APPL2: variants seen among roughly 807,000 people sequenced by gnomAD.
The protein encoded by APPL2 is DCC-interacting protein 13-beta.
APPL2 carries 84 observed loss-of-function variants against 92.7 expected under a neutral mutation model. That is an observed-to-expected ratio of 0.91 (90% confidence interval 0.76 to 1.09). The LOEUF is 1.09. Ranked by LOEUF, APPL2 falls within the 50% of genes least tolerant of loss-of-function variation. The pLI is 0.00. For synonymous variants in APPL2, 291 were observed against 291.0 expected, an observed-to-expected ratio of 1.00 and a Z score of 0.00; for missense variants, 736 against 824.5, an observed-to-expected ratio of 0.89 and a Z score of 1.31.
At chr12:105,226,480 T>C (rs980333177) in intron 2 of APPL2, among the ~76,000 whole-genome samples, 1 of 152,172 alleles carries the variant, frequency 6.6e-6, no homozygotes, top group Non-Finnish European at 1.5e-5. Context: ...CCCACTTAAT[T>C]TTGGCAAAAT....
chr12:105,204,839 C>T (rs1013796839), intron 8 of APPL2, among the ~76,000 whole-genome samples: 6 of 152,128 alleles, frequency 3.9e-5, no homozygotes, highest in Admixed American at 6.5e-5. Context: ...AATGGATGAA[C>T]GGAAGGCAGG....
At chr12:105,177,885 G>A (rs912299621) in intron 17 of APPL2, among the ~76,000 whole-genome samples, 1 of 152,238 alleles carries the variant, frequency 6.6e-6, no homozygotes, top group Middle Eastern at 3.4e-3. Context: ...CCACCTCCCG[G>A]GTTCAAGCGA....
intron 17 of APPL2, 35 bp from the exon 18 acceptor site, chr12:105,177,297 T>G (rs1234665127): frequency 6.3e-7 from 1 of 1,590,278 alleles, no homozygotes; most frequent in South Asian, 1.1e-5. Context: ...GTCACAAATG[T>G]TGGATAAATT....
chr12:105,188,386 G>A lies in APPL2; in HGVS notation c.1521C>T (p.Asp507=). The change falls in exon 17 of 21, where the codon GAC becomes GAT. Residue 507 remains aspartate, a synonymous_variant. Transcript: ENST00000258530. ...RFLGSMAVKT[D]STTEVIYEAM... is the part of the protein sequence containing the mutation. ...CTTCATAAATCACTTCAGTAGTGCTGTCTGTTTTAACTGCCATTGATCCCA... is the reference window on the plus strand; with the variant it reads ...CTTCATAAATCACTTCAGTAGTGCTATCTGTTTTAACTGCCATTGATCCCA... 1.2e-6 allele frequency: 2 copies of A among 1,614,166 alleles called. No homozygotes were observed. Among genetic ancestry groups the A allele is most frequent in the Non-Finnish European group, 1.7e-6 (2 of 1,180,020 alleles).
intron 17 of APPL2, among the ~76,000 whole-genome samples, chr12:105,186,515 A>G (rs892739180): frequency 2.7e-5 from 4 of 149,414 alleles, no homozygotes; most frequent in South Asian, 2.1e-4. Flanking sequence ...CCGCCAAACT[A>G]TTTTTTCACA....
intron 17 of APPL2, among the ~76,000 whole-genome samples, chr12:105,182,035 T>A (rs1886162817): frequency 6.6e-6 from 1 of 152,152 alleles, no homozygotes; most frequent in South Asian, 2.1e-4. Context: ...GCTTCTCCAG[T>A]TTTTTTGAGA....
chr12:105,234,793 AG>A (rs5800659), intron 1 of APPL2, among the ~76,000 whole-genome samples: 148,797 of 152,082 alleles, frequency 0.98, 72,759 homozygotes, highest in Non-Finnish European at 1. Flanking sequence ...CATATAAAAA[AG>A]GGAGGCCTTG....
rs376725981 is a variant in APPL2 at position 105,202,540 on chromosome 12, G to A, written c.704+1163C>T. The stretch of plus-strand genomic sequence containing the variant: ...AATTCTGAGAGTTAAAGCAGGATGA[G>A]GAAGAGACAGTGAAAGATGAGGGAC... On this transcript the variant is annotated intron_variant, in intron 9 of 20. Coordinates refer to ENST00000258530, the MANE Select transcript of APPL2 (RefSeq NM_018171.5). 7.2e-5 allele frequency among the ~76,000 whole-genome samples: 11 copies of A among 152,302 alleles called. No individual in the cohort carries two copies. The South Asian group carries it at 2.3e-3, about 32-fold the overall frequency.
intron 14 of APPL2, among the ~76,000 whole-genome samples, chr12:105,190,926 C>T (rs959462062): frequency 6.6e-5 from 10 of 152,198 alleles, no homozygotes; most frequent in Admixed American, 3.3e-4. Context: ...AACTTTTCAA[C>T]GTTTTAAAAA....
chr12:105,177,277 G>T lies in APPL2; in HGVS notation c.1635-15C>A, dbSNP rs1885641705. The T allele has an allele frequency of 1.2e-6, 2 of 1,610,662 alleles. No individual in the cohort carries two copies. Among genetic ancestry groups the T allele is most frequent in the Non-Finnish European group, 1.7e-6 (2 of 1,176,930 alleles). On this transcript the variant is annotated splice_polypyrimidine_tract_variant and intron_variant, in intron 17 of 20. Coordinates refer to ENST00000258530, the MANE Select transcript of APPL2 (RefSeq NM_018171.5). Reference sequence around the variant, plus strand: ...GATCTATCAACCTGAAATTTTAAAAGATACATTATGTCACAAATGTTGGAT... The same window carrying T: ...GATCTATCAACCTGAAATTTTAAAATATACATTATGTCACAAATGTTGGAT...
rs1178044850 is a variant in APPL2 at position 105,207,174 on chromosome 12, C to T, written c.508G>A (p.Ala170Thr). ...KTEVGKEVAA[A>T]RRKQHLSSLQ... Reference sequence around the variant, plus strand: ...GAGGAGAGGTGCTGCTTCCGCCGGGCCGCGGCCACCTCTTTTCCGACTTCG... The same window carrying T: ...GAGGAGAGGTGCTGCTTCCGCCGGGTCGCGGCCACCTCTTTTCCGACTTCG... The change falls in exon 8 of 21, where the codon GCC becomes ACC. Residue 170 changes from alanine (A) to threonine (T), a missense_variant. Transcript: ENST00000258530. 2 of 1,613,796 alleles carry T rather than the reference C, an allele frequency of 1.2e-6. No individual in the cohort carries two copies. The highest frequency in any genetic ancestry group is 1.7e-6 in the Non-Finnish European group (2 of 1,179,938).
intron 17 of APPL2, among the ~76,000 whole-genome samples, chr12:105,186,984 T>A (rs1297171552): frequency 6.6e-6 from 1 of 152,136 alleles, no homozygotes; most frequent in African/African-American, 2.4e-5. Context: ...GTGTACTACA[T>A]CCATATTAGA....
chr12:105,207,897 A>G (rs1888873095), intron 7 of APPL2, 74 bp downstream of exon 7: 2 of 1,385,600 alleles, frequency 1.4e-6, no homozygotes, highest in African/African-American at 2.9e-5. Flanking sequence ...CTTTCATGCC[A>G]TAAATTCACA....
chr12:105,191,505 G>A (rs1179134606), intron 14 of APPL2, among the ~76,000 whole-genome samples: 2 of 152,196 alleles, frequency 1.3e-5, no homozygotes, highest in Non-Finnish European at 2.9e-5. Flanking sequence ...CTAAGATTTT[G>A]GCTCCCCAGA....
At chr12:105,206,813 C>T (rs1888739025) in intron 8 of APPL2, 1 of 393,778 alleles carries the variant, frequency 2.5e-6, no homozygotes, top group East Asian at 4.4e-5. Flanking sequence ...CAGGCTCTTC[C>T]CCAAGAGAGG....
intron 2 of APPL2, among the ~76,000 whole-genome samples, chr12:105,224,400 T>C (rs918082286): frequency 1.3e-5 from 2 of 152,238 alleles, no homozygotes; most frequent in African/African-American, 4.8e-5. Flanking sequence ...ACAAGGGTGG[T>C]TCTTCCATGA....
intron 2 of APPL2, among the ~76,000 whole-genome samples, chr12:105,219,005 A>G (rs1249357055): frequency 6.6e-6 from 1 of 152,196 alleles, no homozygotes; most frequent in Non-Finnish European, 1.5e-5. Flanking sequence ...AACTTGCCTT[A>G]CATTTCTAAA....
intron 11 of APPL2, among the ~76,000 whole-genome samples, chr12:105,197,557 TCCA>T (rs1887769234): frequency 6.6e-6 from 1 of 152,094 alleles, no homozygotes; most frequent in African/African-American, 2.4e-5. Context: ...CTCACTTATC[TCCA>T]TATGGGATAA....
chr12:105,221,839 G>A (rs1890123248), intron 2 of APPL2, among the ~76,000 whole-genome samples: 1 of 152,228 alleles, frequency 6.6e-6, no homozygotes, highest in Non-Finnish European at 1.5e-5. Context: ...AGCCTGAAAG[G>A]AAAACTGGGC....
Sources: gnomAD v4.1 joint callset for allele counts (sites outside exome capture counted in the v4.1 genomes callset) on GRCh38, gnomAD v4.1.1 for gene constraint, MANE v1.5 for transcripts, NCBI Gene and HGNC (gene_info 2026-07-23, HGNC 2026-07-21) for gene names.